The following FRMPD1 variants were observed in gnomAD, a reference collection of about 807,000 sequenced individuals.
FRMPD1 encodes FERM and PDZ domain-containing protein 1.
A neutral mutation model predicts 117.8 loss-of-function variants in FRMPD1; 76 were observed. The observed-to-expected ratio is 0.65, with a 90% confidence interval of 0.54 to 0.78. The LOEUF is 0.78. Among genes scored for constraint, FRMPD1 ranks in the 30% least tolerant of loss-of-function variants. The pLI, the probability that FRMPD1 is intolerant of heterozygous loss-of-function variation, is 0.00. For missense variants in FRMPD1, 1,786 were observed against 1,964.5 expected, an observed-to-expected ratio of 0.91 and a Z score of 1.72; for synonymous variants, 783 against 770.4, an observed-to-expected ratio of 1.02 and a Z score of -0.27.
chr9:37,627,043 C>G, the FRMPD1 span, among the ~76,000 whole-genome samples: 2 of 151,832 alleles, frequency 1.3e-5, no homozygotes, highest in South Asian at 2.1e-4. Context: ...ACTCCACCTT[C>G]GAGGCGATCT....
intron 2 of FRMPD1, chr9:37,693,225 G>A (rs1322559799): frequency 9.7e-5 from 15 of 155,002 alleles, no homozygotes; most frequent in Admixed American, 9.5e-4. Context: ...CTGTGTCTTC[G>A]TTTCCAGCAG....
At chr9:37,633,218 T>C in the FRMPD1 span, among the ~76,000 whole-genome samples, 1 of 151,874 alleles carries the variant, frequency 6.6e-6, no homozygotes, top group African/African-American at 2.4e-5. Context: ...TTTCATATTT[T>C]TAGTAGAGAC....
At chr9:37,716,080 C>T (rs948007995) in intron 5 of FRMPD1, among the ~76,000 whole-genome samples, 1 of 152,176 alleles carries the variant, frequency 6.6e-6, no homozygotes. Context: ...CAGAAAGGAA[C>T]ACAGTTCCAC....
rs1335907848 is a variant in FRMPD1, at chr9:37,733,792, A to G, written c.1185A>G (p.Thr395=). The G allele has an allele frequency of 1.9e-6, 3 of 1,599,796 alleles. No individual in the cohort carries two copies. The highest frequency in any genetic ancestry group is 4.5e-5 in the East Asian group (2 of 44,810). Residue 395 remains threonine (T), a synonymous_variant, in exon 12 of 16, where the codon ACA becomes ACG. Transcript: ENST00000377765. The part of the protein sequence containing the change: ...NYLQILGELK[T]YGGRIFNATL... ...TACAGATCCTCGGAGAACTCAAGAC[A>G]TATGGTGGAAGAATCTTTAATGCTA...
the FRMPD1 span, among the ~76,000 whole-genome samples, chr9:37,618,838 A>G: frequency 6.6e-6 from 1 of 152,158 alleles, no homozygotes; most frequent in Non-Finnish European, 1.5e-5. Context: ...CTCAAATGCC[A>G]CTTCTTCCCT....
At chr9:37,638,906 G>C in the FRMPD1 span, among the ~76,000 whole-genome samples, 1 of 152,148 alleles carries the variant, frequency 6.6e-6, no homozygotes, top group Admixed American at 6.5e-5. Flanking sequence ...TTCCTGCTAT[G>C]AAATCCCTGA....
chr9:37,730,975 C>A lies in FRMPD1; in HGVS notation c.739-9C>A, dbSNP rs1432729586. The A allele has an allele frequency of 1.9e-6, 3 of 1,613,620 alleles. No individual in the cohort carries two copies. Among genetic ancestry groups the A allele is most frequent in the Non-Finnish European group, 2.5e-6 (3 of 1,179,692 alleles). On this transcript the variant is annotated splice_polypyrimidine_tract_variant and intron_variant, in intron 8 of 15. Coordinates refer to ENST00000377765, the MANE Select transcript of FRMPD1 (RefSeq NM_014907.3). ...AGGAGATTAATAGTATCTCCCTTAC[C>A]CATCGCAGGTGGTAGAAAGGGAGGA...
the FRMPD1 span, among the ~76,000 whole-genome samples, chr9:37,603,407 AAAAC>A: frequency 6.6e-6 from 1 of 152,168 alleles, no homozygotes; most frequent in Admixed American, 6.5e-5. Context: ...CATGAGCAAA[AAAAC>A]AAACAAAGCC....
At chr9:37,694,684 G>A (rs543720819) in intron 2 of FRMPD1, among the ~76,000 whole-genome samples, 11 of 152,208 alleles carry the variant, frequency 7.2e-5, no homozygotes, top group South Asian at 2.1e-4. Context: ...CTGCAGGCGC[G>A]TGCCACCATG....
intron 2 of FRMPD1, chr9:37,692,996 T>G (rs1822198444): frequency 1.8e-6 from 1 of 544,286 alleles, no homozygotes; most frequent in Non-Finnish European, 3.3e-6. Flanking sequence ...ACAAACACAC[T>G]GACACACAGA....
At chr9:37,641,918 T>C in the FRMPD1 span, among the ~76,000 whole-genome samples, 5 of 152,186 alleles carry the variant, frequency 3.3e-5, no homozygotes, top group Non-Finnish European at 7.4e-5. Flanking sequence ...CCTACCAAAG[T>C]TGGAAAAACA....
At chr9:37,644,730 C>A in the FRMPD1 span, among the ~76,000 whole-genome samples, 2 of 152,004 alleles carry the variant, frequency 1.3e-5, no homozygotes, top group Non-Finnish European at 2.9e-5. Flanking sequence ...CGCTTGAATT[C>A]TCTGAGCTTG....
At chr9:37,631,260 G>A in the FRMPD1 span, among the ~76,000 whole-genome samples, 1 of 152,194 alleles carries the variant, frequency 6.6e-6, no homozygotes, top group African/African-American at 2.4e-5. Flanking sequence ...AAGCAAAAAA[G>A]CACTTAGAGT....
chr9:37,728,091 T>C (rs1823694011), intron 7 of FRMPD1: 1 of 152,222 alleles, frequency 6.6e-6, no homozygotes, highest in South Asian at 2.1e-4. Flanking sequence ...CATTGAATAC[T>C]TACCATCTGC....
chr9:37,656,997 A>T lies in FRMPD1; in HGVS notation c.-5+5903A>T, dbSNP rs564734309. ...GATGGTAAATTTAAAAGTTCTTTTG[A>T]CCTCTTTCAAGGAATGATCTGAGAA... On this transcript the variant is annotated intron_variant, in intron 1 of 15. Coordinates refer to ENST00000377765, the MANE Select transcript of FRMPD1 (RefSeq NM_014907.3). Among the ~76,000 whole-genome samples the T allele has an allele frequency of 3.3e-5, 5 of 152,318 alleles. No homozygotes were observed. The South Asian group carries it at 6.2e-4, about 19-fold the overall frequency.
the FRMPD1 span, among the ~76,000 whole-genome samples, chr9:37,628,828 G>A: frequency 2.0e-5 from 3 of 152,200 alleles, no homozygotes; most frequent in African/African-American, 4.8e-5. Flanking sequence ...AATGAATAAT[G>A]GAGATCAGGT....
intron 1 of FRMPD1, among the ~76,000 whole-genome samples, chr9:37,683,254 T>A (rs897011794): frequency 6.6e-6 from 1 of 152,260 alleles, no homozygotes; most frequent in Non-Finnish European, 1.5e-5. Context: ...GAAATAGACT[T>A]CTTCTACTTC....
the FRMPD1 span, among the ~76,000 whole-genome samples, chr9:37,609,714 A>T: frequency 1.3e-5 from 2 of 151,416 alleles, no homozygotes; most frequent in South Asian, 4.2e-4. Context: ...GCGGCTTCCC[A>T]TCTGACTCAG....
rs537542441 is a variant in FRMPD1 at position 37,685,537 on chromosome 9, A to G, written c.-4-7101A>G. Among the ~76,000 whole-genome samples the G allele has an allele frequency of 1.4e-4, 22 of 151,978 alleles. 1 individual carries two copies. In the South Asian group the frequency reaches 4.6e-3, roughly 32 times the overall value. ...CGTGGTGGCGGGCGCCTGTAGTCCCAGCTACTCGGGAGGCTGAGGCAGGAG... is the reference window on the plus strand; with the variant it reads ...CGTGGTGGCGGGCGCCTGTAGTCCCGGCTACTCGGGAGGCTGAGGCAGGAG... On this transcript the variant is annotated intron_variant, in intron 1 of 15. Coordinates refer to ENST00000377765, the MANE Select transcript of FRMPD1 (RefSeq NM_014907.3).
Sources: allele counts gnomAD v4.1 joint callset (sites outside exome capture counted in the v4.1 genomes callset), GRCh38; gene constraint gnomAD v4.1.1; transcripts MANE v1.5; gene names NCBI Gene and HGNC (gene_info 2026-07-23, HGNC 2026-07-21).